TNS1: variants seen among roughly 807,000 people sequenced by gnomAD.
TNS1 encodes the protein tensin-1.
A neutral mutation model predicts 168.6 loss-of-function variants in TNS1; 62 were observed. That is an observed-to-expected ratio of 0.37 (90% CI 0.30 to 0.45). The LOEUF is 0.45. Ranked by LOEUF, TNS1 falls within the 20% of genes least tolerant of loss-of-function variation. The pLI is 1.00. For synonymous variants in TNS1, 934 were observed against 933.2 expected, an observed-to-expected ratio of 1.00 and a Z score of -0.02; for missense variants, 2,240 against 2,339.4, an observed-to-expected ratio of 0.96 and a Z score of 0.88.
intron 6 of TNS1, among the ~76,000 whole-genome samples, chr2:217,905,768 C>A (rs1953604020): frequency 6.6e-6 from 1 of 152,208 alleles, no homozygotes; most frequent in African/African-American, 2.4e-5. Flanking sequence ...AGACCCCGAG[C>A]CCTTCTGTGG....
At chr2:217,812,169 C>T (rs1265771838) in intron 28 of TNS1, among the ~76,000 whole-genome samples, 199 bp downstream of exon 28, 1 of 152,186 alleles carries the variant, frequency 6.6e-6, no homozygotes, top group Non-Finnish European at 1.5e-5. Context: ...TATGTATGCT[C>T]CTGGAGTCAA....
chr2:217,893,386 G>C (rs112299077), intron 10 of TNS1, 53 bp downstream of exon 10: 1 of 1,520,082 alleles, frequency 6.6e-7, no homozygotes, highest in Admixed American at 2.0e-5. Context: ...ACACATGTGC[G>C]CATGTGCGCG....
intron 18 of TNS1, among the ~76,000 whole-genome samples, chr2:217,873,427 C>T (rs958826772): frequency 2.0e-5 from 3 of 152,124 alleles, no homozygotes; most frequent in African/African-American, 4.8e-5. Flanking sequence ...CAGGTACCTG[C>T]GGGCGCATGG....
intron 30 of TNS1, among the ~76,000 whole-genome samples, chr2:217,809,134 G>A (rs34307680): frequency 0.014 from 1,853 of 135,702 alleles, 54 homozygotes; most frequent in South Asian, 0.043. Context: ...AGGGAAAAAC[G>A]GGTGGTAAGG....
At chr2:217,890,261 A>C (rs528158504) in intron 12 of TNS1, 1 of 152,380 alleles carries the variant, frequency 6.6e-6, no homozygotes, top group Admixed American at 6.5e-5. Context: ...TCGTGTCTGC[A>C]GTGCCCTCTT....
At chr2:217,970,879 T>C (rs1957759686) in intron 3 of TNS1, among the ~76,000 whole-genome samples, 1 of 151,798 alleles carries the variant, frequency 6.6e-6, no homozygotes, top group Non-Finnish European at 1.5e-5. Context: ...TTGTGTGGTA[T>C]GTGAATTAGT....
chr2:217,933,987 A>G (rs1390715037), intron 3 of TNS1, among the ~76,000 whole-genome samples: 1 of 152,204 alleles, frequency 6.6e-6, no homozygotes, highest in Admixed American at 6.5e-5. Flanking sequence ...TTGAACACAT[A>G]CAAAGAACAT....
At chr2:217,951,940 C>G (rs1957253336) in intron 3 of TNS1, among the ~76,000 whole-genome samples, 1 of 152,238 alleles carries the variant, frequency 6.6e-6, no homozygotes, top group Non-Finnish European at 1.5e-5. Flanking sequence ...GTCCCTCACC[C>G]CTTCATTCCA....
At chr2:217,870,667 C>A (rs1015373492) in intron 18 of TNS1, among the ~76,000 whole-genome samples, 1 of 152,176 alleles carries the variant, frequency 6.6e-6, no homozygotes, top group African/African-American at 2.4e-5. Flanking sequence ...TGGCTCTGAG[C>A]GTGGCTCCGG....
Position 217,847,547 on chromosome 2 carries a change from T to G in TNS1, c.2970A>C (p.Pro990=). ...GGGCCACCAGCCCTTCTAAATTCAA[T>G]GGCTCCTCCTCTGGAGTCCGGGAGG... is the stretch of plus-strand genomic sequence containing the variant. ...SDPSRTPEEE[P]LNLEGLVAHR... The change falls in exon 19 of 33, where the codon CCA becomes CCC. Residue 990 remains proline, a synonymous_variant. Coordinates refer to ENST00000682258, the MANE Select transcript of TNS1 (RefSeq NM_001387777.1). 1.4e-6 allele frequency: 2 copies of G among 1,473,758 alleles called. No homozygotes were observed. The highest frequency in any genetic ancestry group is 1.8e-6 in the Non-Finnish European group (2 of 1,105,856). 91.3% of individuals were successfully genotyped at this position (1,473,758 alleles called of 1,614,324 possible). A position where few individuals can be genotyped will look rare whatever the true frequency, so the allele number is the denominator to read the frequency against.
At chr2:217,857,500 T>C (rs1355495484) in intron 18 of TNS1, among the ~76,000 whole-genome samples, 2 of 152,192 alleles carry the variant, frequency 1.3e-5, no homozygotes, top group African/African-American at 4.8e-5. Flanking sequence ...GACAACATAA[T>C]ATATGGTGCT....
intron 18 of TNS1, among the ~76,000 whole-genome samples, chr2:217,854,980 G>A (rs1033144382): frequency 6.6e-6 from 1 of 152,216 alleles, no homozygotes; most frequent in Admixed American, 6.5e-5. Flanking sequence ...GGCCTGTCAG[G>A]TGAGGATTCG....
chr2:217,955,587 T>A (rs966939033), intron 3 of TNS1, among the ~76,000 whole-genome samples: 1 of 152,176 alleles, frequency 6.6e-6, no homozygotes, highest in African/African-American at 2.4e-5. Context: ...AGGCACCAAG[T>A]ACTCAGTGCC....
Position 217,937,539 on chromosome 2 carries a change from G to A in TNS1, c.187-17303C>T, listed in dbSNP as rs187971239. Among the ~76,000 whole-genome samples, 528 of 152,200 alleles carry A rather than the reference G, an allele frequency of 3.5e-3. 4 individuals carry two copies. The highest frequency in any genetic ancestry group is 0.012 in the African/African-American group (498 of 41,520). On this transcript the variant is annotated intron_variant, in intron 3 of 32. Coordinates refer to ENST00000682258, the MANE Select transcript of TNS1 (RefSeq NM_001387777.1). ...TCTGCCATTTCTGGGAGTCTCAGCC[G>A]GTGATTAGGGCCCTAATCAGCAGGA... is the stretch of plus-strand genomic sequence containing the variant.
chr2:217,926,369 A>C (rs1028164015), intron 3 of TNS1, among the ~76,000 whole-genome samples: 12 of 152,218 alleles, frequency 7.9e-5, no homozygotes, highest in African/African-American at 2.4e-4. Context: ...TTAAGGCTGA[A>C]TACTGTTCCA....
intron 3 of TNS1, among the ~76,000 whole-genome samples, chr2:217,934,482 C>T (rs1956497012): frequency 6.6e-6 from 1 of 152,210 alleles, no homozygotes; most frequent in Non-Finnish European, 1.5e-5. Context: ...TTACTCACAA[C>T]TGTTACTCAC....
chr2:217,851,622 C>T lies in TNS1; in HGVS notation c.1430-2535G>A, dbSNP rs146532035. 8.8e-3 allele frequency among the ~76,000 whole-genome samples: 1,336 copies of T among 152,244 alleles called. 40 individuals are homozygous for T. Among genetic ancestry groups the T allele is most frequent in the Admixed American group, 0.066 (1,004 of 15,302 alleles). On this transcript the variant is annotated intron_variant, in intron 18 of 32. Coordinates refer to ENST00000682258, the MANE Select transcript of TNS1 (RefSeq NM_001387777.1). ...TTGCAGCAGCCCAGGGCCCAGGGCC[C>T]AGGGCTGGTCTGAACTGAAAAGGGG...
In TNS1 at chr2:218,002,928, C is replaced by T. The variant is rs1958593515; in HGVS notation, c.-56G>A. 2 of 456,446 alleles carry T rather than the reference C, an allele frequency of 4.4e-6. No homozygotes were observed. Among genetic ancestry groups the T allele is most frequent in the Non-Finnish European group, 8.8e-6 (2 of 226,932 alleles). The allele number at this position is 456,446 out of a possible 1,614,324, so 28.3% of individuals were successfully genotyped here. On this transcript the variant is annotated 5_prime_UTR_variant, in exon 1 of 33. The change abolishes the stop of an existing upstream ORF in the 5' untranslated region. Coordinates refer to ENST00000682258, the MANE Select transcript of TNS1 (RefSeq NM_001387777.1). ...CAGGGCCTGTGAAGAGCCCCTGAAG[C>T]TAGAGTCCCCGCGGCGCTGGCAGAA...
intron 2 of TNS1, chr2:217,979,004 T>G: frequency 6.6e-6 from 3 of 457,584 alleles, no homozygotes; most frequent in Non-Finnish European, 1.2e-5. Context: ...TGCCCGGGAC[T>G]GAGGACCCGC....
Sources: gnomAD v4.1 joint callset for allele counts (sites outside exome capture counted in the v4.1 genomes callset) on GRCh38, gnomAD v4.1.1 for gene constraint, MANE v1.5 for transcripts, NCBI Gene and HGNC (gene_info 2026-07-23, HGNC 2026-07-21) for gene names.